The following RNF212 variants were observed in gnomAD, a reference collection of about 807,000 sequenced individuals.
The protein encoded by RNF212 is ring finger protein 212.
A neutral mutation model predicts 34.7 loss-of-function variants in RNF212; 33 were observed. The ratio of observed to expected loss-of-function variants is 0.95; its 90% CI spans 0.72 to 1.27. The LOEUF (loss-of-function observed/expected upper bound fraction) is 1.27, where lower values mean the gene tolerates loss of function less well. Among genes scored for constraint, RNF212 ranks in the 50% most tolerant of loss-of-function variants. The pLI, the probability that RNF212 is intolerant of heterozygous loss-of-function variation, is 0.00. For synonymous variants in RNF212, 140 were observed against 136.1 expected (o/e 1.03, Z -0.20); for missense variants, 377 against 362.2 (o/e 1.04, Z -0.33).
chr4:1,091,672 G>A (rs1722206007), intron 3 of RNF212, among the ~76,000 whole-genome samples: 1 of 152,208 alleles, frequency 6.6e-6, no homozygotes, highest in Admixed American at 6.5e-5. Context: ...TCCCTCCTGT[G>A]GAAAGACAGG....
At chr4:1,079,263 T>C (rs1236014398) in intron 8 of RNF212, among the ~76,000 whole-genome samples, 3 of 147,992 alleles carry the variant, frequency 2.0e-5, no homozygotes, top group Non-Finnish European at 4.5e-5. Flanking sequence ...AGGACCAACA[T>C]GGGACCAACA....
chr4:1,092,276 T>G (rs1722304450), intron 3 of RNF212, among the ~76,000 whole-genome samples: 2 of 152,186 alleles, frequency 1.3e-5, no homozygotes, highest in Non-Finnish European at 2.9e-5. Flanking sequence ...TGATCCTGAT[T>G]TGGCAGGGCA....
chr4:1,068,538 A>G (rs899551006), downstream of RNF212, among the ~76,000 whole-genome samples: 4 of 152,234 alleles, frequency 2.6e-5, no homozygotes, highest in Non-Finnish European at 4.4e-5. Context: ...TCTATTTGTT[A>G]TAACTCCAAC....
chr4:1,072,915 C>T lies in RNF212; in HGVS notation c.853G>A (p.Val285Met). ...CTTTCAAATTGGCAAAGAGGAAACACAACAGACACAGCGGGTGTTCTGAAC... is the reference window on the plus strand; with the variant it reads ...CTTTCAAATTGGCAAAGAGGAAACATAACAGACACAGCGGGTGTTCTGAAC... ...DTFRTPAVSV[V>M]FPLCQFERKK... Residue 285 changes from valine to methionine, a missense_variant, in exon 10 of 10, where the codon GTG (valine) becomes ATG (methionine). Val to Met is a conservative substitution (Grantham distance 21, BLOSUM62 1). Transcript: ENST00000433731. The T allele has an allele frequency of 6.2e-7, 1 of 1,613,592 alleles. No homozygotes were observed. Among genetic ancestry groups the T allele is most frequent in the South Asian group, 1.1e-5 (1 of 91,034 alleles).
downstream of RNF212, among the ~76,000 whole-genome samples, chr4:1,069,846 G>A (rs1051001598): frequency 1.3e-5 from 2 of 152,254 alleles, no homozygotes; most frequent in Non-Finnish European, 2.9e-5. Context: ...CCAGAGGAGA[G>A]AGAAGAGATG....
intron 5 of RNF212, 178 bp from the exon 6 acceptor site, chr4:1,081,797 C>A (rs1214591909): frequency 6.7e-6 from 4 of 598,016 alleles, no homozygotes; most frequent in Non-Finnish European, 1.2e-5. Flanking sequence ...CACGGCCCTG[C>A]TCCTCCCTAG....
rs59750515 is a variant in RNF212, at chr4:1,071,723, T to C, written c.*1151A>G. The stretch of plus-strand genomic sequence containing the variant: ...TGAAATGCAAAATAAAACAGCAAGA[T>C]ACCACTACATACCTATCAGCTGGCC... On this transcript the variant is annotated 3_prime_UTR_variant, in exon 10 of 10. Coordinates refer to ENST00000433731, the MANE Select transcript of RNF212 (RefSeq NM_001131034.4). 6.6e-6 allele frequency: 1 copy of C among 152,246 alleles called. No homozygotes were observed. The highest frequency in any genetic ancestry group is 1.5e-5 in the Non-Finnish European group (1 of 68,048). The allele number at this position is 152,246 out of a possible 1,614,324, so 9.4% of individuals were successfully genotyped here.
intron 8 of RNF212, among the ~76,000 whole-genome samples, chr4:1,076,515 C>A (rs1244702416): frequency 6.6e-6 from 1 of 152,180 alleles, no homozygotes; most frequent in East Asian, 1.9e-4. Flanking sequence ...GAGAGGCCTG[C>A]ACACTGCTCT....
intron 8 of RNF212, among the ~76,000 whole-genome samples, chr4:1,075,961 C>T (rs558325245): frequency 6.6e-6 from 1 of 152,278 alleles, no homozygotes; most frequent in East Asian, 1.9e-4. Context: ...TGTGTCTGGC[C>T]ACCTCATAAG....
rs897457555 is a variant in RNF212 at position 1,072,839 on chromosome 4, AC to A, written c.*34del. Reference sequence around the variant, plus strand: ...AAAAACACAGAGGAATAAATTGAAAACACTCAGAATCATTAATAGTCACATA... The same window carrying A: ...AAAAACACAGAGGAATAAATTGAAAAACTCAGAATCATTAATAGTCACATA... On this transcript the variant is annotated 3_prime_UTR_variant, in exon 10 of 10. Transcript: ENST00000433731. The A allele has an allele frequency of 1.3e-6, 2 of 1,529,576 alleles. No individual in the cohort carries two copies. Among genetic ancestry groups the A allele is most frequent in the African/African-American group, 2.8e-5 (2 of 72,158 alleles). The allele number at this position is 1,529,576 out of a possible 1,614,324, so 94.8% of individuals were successfully genotyped here. A position where few individuals can be genotyped will look rare whatever the true frequency, so the allele number is the denominator to read the frequency against.
intron 5 of RNF212, among the ~76,000 whole-genome samples, chr4:1,083,945 A>AATT (rs1553805476): frequency 7.4e-6 from 1 of 134,678 alleles, no homozygotes; most frequent in African/African-American, 2.7e-5. Flanking sequence ...CATTTTGTGC[A>AATT]TTTTTTTTTT....
intron 3 of RNF212, chr4:1,093,690 T>A (rs1383388211): frequency 6.5e-7 from 1 of 1,536,106 alleles, no homozygotes; most frequent in African/African-American, 1.4e-5. Flanking sequence ...GCGCACGGCC[T>A]GTGGCTCTGA....
intron 4 of RNF212, among the ~76,000 whole-genome samples, chr4:1,088,717 C>T (rs921798664): frequency 8.5e-5 from 13 of 152,232 alleles, no homozygotes; most frequent in Non-Finnish European, 1.3e-4. Context: ...AGGCCCCCTG[C>T]CCAACTCTCG....
downstream of RNF212, among the ~76,000 whole-genome samples, chr4:1,069,580 G>A (rs752064656): frequency 5.3e-5 from 8 of 152,184 alleles, no homozygotes; most frequent in East Asian, 1.9e-4. Context: ...GAGGAATCAC[G>A]TGACCAAAGT....
chr4:1,056,580 T>C, intron 4 of RNF212: 1 of 703,966 alleles, frequency 1.4e-6, no homozygotes, highest in Non-Finnish European at 1.8e-6. Context: ...CTAAAATGTG[T>C]ATTTTAAAAA....
intron 3 of RNF212, chr4:1,093,678 G>T (rs1020727686): frequency 1.3e-6 from 2 of 1,536,160 alleles, no homozygotes; most frequent in East Asian, 4.9e-5. Flanking sequence ...AACCACCCTG[G>T]AGCGCACGGC....
intron 3 of RNF212, among the ~76,000 whole-genome samples, chr4:1,060,244 G>GCCAA (rs752691442): frequency 1.3e-4 from 20 of 152,206 alleles, no homozygotes; most frequent in Non-Finnish European, 2.6e-4. Flanking sequence ...GCTCAAGAGA[G>GCCAA]CCAAGTGTGG....
At chr4:1,064,756 CATTTTGTGAAACTGAA>C (rs1352411109) in intron 3 of RNF212, among the ~76,000 whole-genome samples, 11 of 152,322 alleles carry the variant, frequency 7.2e-5, no homozygotes, top group Middle Eastern at 3.4e-3. Context: ...TAACTGTTTT[CATTTTGTGAAACTGAA>C]ATTTTGTGAA....
At chr4:1,093,352 A>C (rs1722492075) in intron 3 of RNF212, 1 of 1,149,990 alleles carries the variant, frequency 8.7e-7, no homozygotes, top group East Asian at 2.8e-5. Context: ...ATAACAATAA[A>C]TCCATGATGT....
Sources: gnomAD v4.1 joint callset for allele counts (sites outside exome capture counted in the v4.1 genomes callset) on GRCh38, gnomAD v4.1.1 for gene constraint, MANE v1.5 for transcripts, NCBI Gene and HGNC (gene_info 2026-07-23, HGNC 2026-07-21) for gene names.